The following ADGRB1 variants were observed in gnomAD, a reference collection of about 807,000 sequenced individuals.
ADGRB1 encodes the protein brain-specific angiogenesis inhibitor 1.
A neutral mutation model predicts 175.7 loss-of-function variants in ADGRB1; 36 were observed. The ratio of observed to expected loss-of-function variants is 0.20; its 90% CI spans 0.16 to 0.27. The LOEUF (loss-of-function observed/expected upper bound fraction) is 0.27. Among genes scored for constraint, ADGRB1 ranks in the 10% least tolerant of loss-of-function variants. The pLI, the probability that ADGRB1 is intolerant of heterozygous loss-of-function variation, is 1.00. For synonymous variants in ADGRB1, 1,054 were observed against 979.4 expected, an observed-to-expected ratio of 1.08 and a Z score of -1.42; for missense variants, 1,731 against 2,255.3, an observed-to-expected ratio of 0.77 and a Z score of 4.71.
At chr8:142,496,753 C>A (rs1346106347) in intron 17 of ADGRB1, among the ~76,000 whole-genome samples, 1 of 152,124 alleles carries the variant, frequency 6.6e-6, no homozygotes, top group Non-Finnish European at 1.5e-5. Context: ...GGGCCACAGA[C>A]CTGAAGCCCT....
chr8:142,524,310 G>C lies in ADGRB1; in HGVS notation c.3312+6G>C, dbSNP rs770985481. Reference sequence around the variant, plus strand: ...CTGCCGCTGCCGTTGTGCTGGTACTGACCCGCCCAGGCCCCACTCCCCACG... The same window carrying C: ...CTGCCGCTGCCGTTGTGCTGGTACTCACCCGCCCAGGCCCCACTCCCCACG... On this transcript the variant is annotated splice_donor_region_variant and intron_variant, in intron 23 of 30. Coordinates refer to ENST00000517894, the MANE Select transcript of ADGRB1 (RefSeq NM_001702.3). 1.3e-6 allele frequency: 2 copies of C among 1,591,278 alleles called. No homozygotes were observed. The highest frequency in any genetic ancestry group is 3.4e-5 in the Admixed American group (2 of 58,686).
At chr8:142,515,174 C>T (rs147233655) in intron 18 of ADGRB1, among the ~76,000 whole-genome samples, 399 of 152,188 alleles carry the variant, frequency 2.6e-3, no homozygotes, top group Non-Finnish European at 4.7e-3. Flanking sequence ...GAGAGCCCGG[C>T]GCCTGAAGGT....
chr8:142,543,978 C>T lies in ADGRB1; in HGVS notation c.4558-242C>T, dbSNP rs913551568. ...TGGAGCCAATCCAGGGCAGGGTCCC[C>T]ACAGCCTGACCCGACCGTGGGGTTC... On this transcript the variant is annotated intron_variant, in intron 30 of 30. Transcript: ENST00000517894. This position sits in a 1 kb window ranked among gnomAD's most constrained non-coding sequence, Gnocchi z 4.4. Among the ~76,000 whole-genome samples the T allele has an allele frequency of 1.1e-4, 17 of 152,122 alleles. No individual in the cohort carries two copies. Among genetic ancestry groups the T allele is most frequent in the African/African-American group, 4.1e-4 (17 of 41,430 alleles).
chr8:142,529,602 G>A (rs1227132062), intron 24 of ADGRB1, among the ~76,000 whole-genome samples: 1 of 151,884 alleles, frequency 6.6e-6, no homozygotes, highest in Non-Finnish European at 1.5e-5. Flanking sequence ...GCATGTATGT[G>A]TGTGAGTGCA....
At chr8:142,498,939 C>T (rs962588067) in intron 17 of ADGRB1, among the ~76,000 whole-genome samples, 6 of 152,310 alleles carry the variant, frequency 3.9e-5, no homozygotes, top group African/African-American at 1.4e-4. Flanking sequence ...CCACTGCCTC[C>T]CCGGGGCCCC....
intron 18 of ADGRB1, among the ~76,000 whole-genome samples, chr8:142,514,979 G>A (rs1290322733): frequency 6.6e-6 from 1 of 152,152 alleles, no homozygotes; most frequent in South Asian, 2.1e-4. Context: ...GGGTAGAAAT[G>A]AGTCCTTAGG....
chr8:142,503,917 G>A (rs1842741013), intron 17 of ADGRB1, among the ~76,000 whole-genome samples: 1 of 152,182 alleles, frequency 6.6e-6, no homozygotes, highest in Admixed American at 6.5e-5. Flanking sequence ...AACATGAGAA[G>A]CCCTGGAGGC....
chr8:142,515,704 G>C (rs1052734171), intron 18 of ADGRB1, among the ~76,000 whole-genome samples: 1 of 151,530 alleles, frequency 6.6e-6, no homozygotes, highest in African/African-American at 2.4e-5. Flanking sequence ...TAAAGTTACC[G>C]GTGACTGATG....
At chr8:142,460,533 C>G (rs1238265771) in intron 1 of ADGRB1, among the ~76,000 whole-genome samples, 1 of 152,170 alleles carries the variant, frequency 6.6e-6, no homozygotes, top group Non-Finnish European at 1.5e-5. Context: ...CCTCTCTCCC[C>G]ACACCCCCCT....
Position 142,489,430 on chromosome 8 carries a change from A to G in ADGRB1, c.2623A>G (p.Met875Val), listed in dbSNP as rs1215250329. Residue 875 changes from methionine (M) to valine (V), a missense_variant, in exon 16 of 31, where the codon ATG becomes GTG. Physicochemically the swap from Met to Val is conservative, Grantham distance 21 (BLOSUM62 1). Coordinates refer to ENST00000517894, the MANE Select transcript of ADGRB1 (RefSeq NM_001702.3). ...ACCCTTGGAGATCGAGTTTGCCCAC[A>G]TGTATAATGTGAGTGCCGTCCACGT... ...RTPLEIEFAH[M>V]YNGTTNQTCI... 6.2e-6 allele frequency: 10 copies of G among 1,612,596 alleles called. No individual in the cohort carries two copies. The highest frequency in any genetic ancestry group is 8.5e-6 in the Non-Finnish European group (10 of 1,179,744).
chr8:142,491,669 A>T (rs1177916541), intron 17 of ADGRB1, among the ~76,000 whole-genome samples: 1 of 152,124 alleles, frequency 6.6e-6, no homozygotes, highest in East Asian at 1.9e-4. Context: ...GCCTCCTCCG[A>T]GCGTGTTCCT....
Position 142,490,834 on chromosome 8 carries a change from C to A in ADGRB1, c.2675+19C>A. ...CGGATGTGTAAGTTCACTTGGATTT[C>A]ATGGCCGTGGGGGTCTGGGGTGGGG... On this transcript the variant is annotated intron_variant, in intron 17 of 30. Coordinates refer to ENST00000517894, the MANE Select transcript of ADGRB1 (RefSeq NM_001702.3). The A allele has an allele frequency of 6.4e-7, 1 of 1,572,266 alleles. No homozygotes were observed. Among genetic ancestry groups the A allele is most frequent in the Admixed American group, 1.9e-5 (1 of 53,862 alleles).
chr8:142,452,102 C>A lies in ADGRB1; in HGVS notation c.-220+1998C>A, dbSNP rs535864106. 3.7e-4 allele frequency among the ~76,000 whole-genome samples: 56 copies of A among 152,292 alleles called. No individual in the cohort carries two copies. The South Asian group carries it at 0.011, about 29-fold the overall frequency. On this transcript the variant is annotated intron_variant, in intron 1 of 30. Coordinates refer to ENST00000517894, the MANE Select transcript of ADGRB1 (RefSeq NM_001702.3). ...GCCCGGTCCCCGGAGGCGGACGTTG[C>A]GCGCGTTCGGGGATCCCGGAGCGCC...
intron 13 of ADGRB1, 69 bp downstream of exon 13, chr8:142,484,833 C>T: frequency 2.5e-6 from 3 of 1,206,350 alleles, no homozygotes; most frequent in South Asian, 2.7e-5. Flanking sequence ...CCTTCTGCCT[C>T]AGCATCCTCA....
At position 142,522,718 on chromosome 8, in the gene ADGRB1, G is replaced by A. The variant is rs752561383; in HGVS notation, c.3245+8G>A. 19 of 1,498,768 alleles carry A rather than the reference G, an allele frequency of 1.3e-5. No individual in the cohort carries two copies. Among genetic ancestry groups the A allele is most frequent in the South Asian group, 1.1e-4 (8 of 74,510 alleles). 92.8% of individuals were successfully genotyped at this position (1,498,768 alleles called of 1,614,324 possible). On this transcript the variant is annotated splice_region_variant and intron_variant, in intron 22 of 30. Coordinates refer to ENST00000517894, the MANE Select transcript of ADGRB1 (RefSeq NM_001702.3). ...GTACAGCACCATGAACTAGTGAGTC[G>A]GGGCATTGGGGGTGTGGTGGATGGC...
rs887438978 is a variant in ADGRB1, at chr8:142,511,933, A to T, written c.2817+860A>T. Among the ~76,000 whole-genome samples, 1 of 152,128 alleles carries T rather than the reference A, an allele frequency of 6.6e-6. No homozygotes were observed. Among genetic ancestry groups the T allele is most frequent in the Non-Finnish European group, 1.5e-5 (1 of 68,008 alleles). The stretch of plus-strand genomic sequence containing the variant: ...GGGGTGGAGGATGCACTTGGAGGGG[A>T]CCTGTCCTTCCTGGGTGTTGGAGGT... On this transcript the variant is annotated intron_variant, in intron 18 of 30. Transcript: ENST00000517894. The surrounding 1 kb of genome is among the most constrained non-coding windows in gnomAD (Gnocchi z 4.5).
chr8:142,455,463 C>T lies in ADGRB1; in HGVS notation c.-220+5359C>T, dbSNP rs993021250. Reference sequence around the variant, plus strand: ...CTCTCTGCAGCTTCGCTGTCAGGCCCCCAACCACTTGCCTTCCTGGGAGAG... The same window carrying T: ...CTCTCTGCAGCTTCGCTGTCAGGCCTCCAACCACTTGCCTTCCTGGGAGAG... On this transcript the variant is annotated intron_variant, in intron 1 of 30. Transcript: ENST00000517894. This position sits in a 1 kb window ranked among gnomAD's most constrained non-coding sequence, Gnocchi z 4.9. Among the ~76,000 whole-genome samples, 10 of 152,158 alleles carry T rather than the reference C, an allele frequency of 6.6e-5. No homozygotes were observed. The highest frequency in any genetic ancestry group is 1.2e-4 in the Non-Finnish European group (8 of 68,034).
intron 13 of ADGRB1, among the ~76,000 whole-genome samples, chr8:142,485,775 A>G (rs934741054): frequency 6.6e-6 from 1 of 152,220 alleles, no homozygotes; most frequent in Non-Finnish European, 1.5e-5. Context: ...GTTACCCCAC[A>G]TGCTTCATAA....
At chr8:142,531,091 G>A (rs1587427060) in intron 24 of ADGRB1, among the ~76,000 whole-genome samples, 3 of 152,254 alleles carry the variant, frequency 2.0e-5, no homozygotes, top group African/African-American at 7.2e-5. Context: ...GTGACTGACA[G>A]CAGGCAAAGA....
Sources: allele counts gnomAD v4.1 joint callset (sites outside exome capture counted in the v4.1 genomes callset), GRCh38; gene constraint gnomAD v4.1.1; non-coding constraint Gnocchi (gnomAD v3.1); transcripts MANE v1.5; gene names NCBI Gene and HGNC (gene_info 2026-07-23, HGNC 2026-07-21).